SPINK13: variants seen among roughly 807,000 people sequenced by gnomAD.
The protein encoded by SPINK13 is serine protease inhibitor Kazal-type 13.
A neutral mutation model predicts 11.0 loss-of-function variants in SPINK13; 11 were observed. The ratio of observed to expected loss-of-function variants is 1.00; its 90% CI spans 0.63 to 1.65. The LOEUF (loss-of-function observed/expected upper bound fraction) is 1.65. Ranked by LOEUF, SPINK13 falls within the 40% of genes most tolerant of loss-of-function variation. SPINK13 has a pLI of 0.00. For missense variants in SPINK13, 113 were observed against 117.7 expected (o/e 0.96, Z 0.19); for synonymous variants, 31 against 35.6 (o/e 0.87, Z 0.46).
rs114620590 is a variant in SPINK13, at chr5:148,282,856, T to A, written c.236+625T>A. ...CTCCATTCAAAATTGTTTTCACAAA[T>A]CAGCCCTGTGTCTTGTCAGTTAACT... is the stretch of plus-strand genomic sequence containing the variant. On this transcript the variant is annotated intron_variant, in intron 4 of 4. Transcript: ENST00000398450. 3.2e-3 allele frequency among the ~76,000 whole-genome samples: 486 copies of A among 152,334 alleles called. 4 individuals carry two copies. Among genetic ancestry groups the A allele is most frequent in the African/African-American group, 0.011 (459 of 41,586 alleles).
intron 2 of SPINK13, chr5:148,271,006 T>C: frequency 6.6e-6 from 1 of 152,242 alleles, no homozygotes; most frequent in Non-Finnish European, 1.5e-5. Flanking sequence ...AATTGTAAGA[T>C]AATAAATTTG....
chr5:148,274,273 G>A (rs1756392179), intron 2 of SPINK13, 74 bp from the exon 3 acceptor site: 11 of 980,576 alleles, frequency 1.1e-5, no homozygotes, highest in Non-Finnish European at 1.7e-5. Flanking sequence ...TTCAATCAGT[G>A]ACTTCAGTAG....
At chr5:148,272,760 C>A (rs1756369470) in intron 2 of SPINK13, among the ~76,000 whole-genome samples, 1 of 152,130 alleles carries the variant, frequency 6.6e-6, no homozygotes, top group Non-Finnish European at 1.5e-5. Context: ...TATGTTTACA[C>A]CAAAATGGGA....
intron 3 of SPINK13, 103 bp downstream of exon 3, chr5:148,274,487 C>A: frequency 3.3e-6 from 3 of 913,622 alleles, no homozygotes; most frequent in Admixed American, 2.1e-5. Context: ...GTGGCTCATG[C>A]CTGTAATTCC....
In SPINK13 at chr5:148,274,476, A is replaced by T. The variant is rs115038653; in HGVS notation, c.108+92A>T. On this transcript the variant is annotated intron_variant, in intron 3 of 4. Coordinates refer to ENST00000398450, the MANE Select transcript of SPINK13 (RefSeq NM_001040129.3). The stretch of plus-strand genomic sequence containing the variant: ...TAAAACTTCATGGAAAGTCAGGCAC[A>T]GTGGCTCATGCCTGTAATTCCAGAA... The T allele has an allele frequency of 2.7e-3, 2,744 of 1,032,678 alleles. 23 individuals are homozygous for T. Among genetic ancestry groups the T allele is most frequent in the African/African-American group, 0.02 (1,213 of 61,992 alleles). 64.0% of individuals were successfully genotyped at this position (1,032,678 alleles called of 1,614,324 possible).
chr5:148,279,166 A>G (rs1388542606), intron 3 of SPINK13, among the ~76,000 whole-genome samples: 1 of 118,064 alleles, frequency 8.5e-6, no homozygotes, highest in Non-Finnish European at 1.6e-5. Flanking sequence ...TTTTGAGTCT[A>G]TGTGTGTCTT....
At chr5:148,281,712 C>A (rs1332425347) in intron 3 of SPINK13, among the ~76,000 whole-genome samples, 1 of 152,190 alleles carries the variant, frequency 6.6e-6, no homozygotes, top group Admixed American at 6.5e-5. Context: ...GAGCTGCAGA[C>A]CAGAGCTGTT....
chr5:148,274,621 G>T (rs1756397819), intron 3 of SPINK13, among the ~76,000 whole-genome samples: 1 of 152,144 alleles, frequency 6.6e-6, no homozygotes. Flanking sequence ...GTGGGGCAAG[G>T]CTGTAGCCAG....
At chr5:148,275,333 C>T (rs1756409498) in intron 3 of SPINK13, among the ~76,000 whole-genome samples, 1 of 152,196 alleles carries the variant, frequency 6.6e-6, no homozygotes, top group South Asian at 2.1e-4. Context: ...TTCATGGCTG[C>T]ATAGTATTCC....
At chr5:148,282,381 A>C (rs1756530703) in intron 4 of SPINK13, 150 bp downstream of exon 4, 1 of 937,574 alleles carries the variant, frequency 1.1e-6, no homozygotes, top group South Asian at 1.8e-5. Context: ...CAGACTACAG[A>C]GAGAGTGAAG....
chr5:148,283,636 C>T (rs1208930908), intron 4 of SPINK13, among the ~76,000 whole-genome samples: 1 of 152,186 alleles, frequency 6.6e-6, no homozygotes, highest in Non-Finnish European at 1.5e-5. Context: ...ACTGTTGGCT[C>T]TACTGTTCTC....
intron 3 of SPINK13, among the ~76,000 whole-genome samples, chr5:148,277,627 G>A (rs534465297): frequency 4.6e-5 from 7 of 152,272 alleles, no homozygotes; most frequent in South Asian, 2.1e-4. Flanking sequence ...GGATGAAGCC[G>A]ACTTGATCAT....
rs117875595 is a variant in SPINK13, at chr5:148,280,249, A to G, written c.109-1855A>G. Among the ~76,000 whole-genome samples the G allele has an allele frequency of 7.2e-3, 1,094 of 152,206 alleles. 66 individuals are homozygous for G. In the East Asian group the frequency reaches 0.14, roughly 20 times the overall value. On this transcript the variant is annotated intron_variant, in intron 3 of 4. Coordinates refer to ENST00000398450, the MANE Select transcript of SPINK13 (RefSeq NM_001040129.3). ...AGAACATGCTCCTTTGGCTCAGAGA[A>G]GCTTGTTATTACCCACCTTCTGAAG...
chr5:148,270,101 T>C lies in SPINK13; in HGVS notation c.29T>C (p.Phe10Ser), dbSNP rs1331511741. The change falls in exon 2 of 5, where the codon TTT (phenylalanine) becomes TCT (serine). Residue 10 changes from phenylalanine (F) to serine (S), a missense_variant. Physicochemically the swap from Phe to Ser is radical, Grantham distance 155. Transcript: ENST00000398450. ...GCTGCCTTTCCCCACAAGATTATAT[T>C]TTTCCTGGTATGCTCTACTTTGACA... MAAFPHKIIFFLVCSTLTHV... is the reference protein window; with the variant it reads MAAFPHKIISFLVCSTLTHV... 4 of 1,613,984 alleles carry C rather than the reference T, an allele frequency of 2.5e-6. No homozygotes were observed. In the African/African-American group the frequency reaches 5.3e-5, roughly 22 times the overall value.
intron 4 of SPINK13, among the ~76,000 whole-genome samples, chr5:148,284,522 A>T (rs866663180): frequency 1.8e-4 from 27 of 152,250 alleles, no homozygotes; most frequent in African/African-American, 5.8e-4. Context: ...AACACAGAAA[A>T]TTAATTCCAA....
intron 3 of SPINK13, among the ~76,000 whole-genome samples, chr5:148,280,636 C>A (rs973902604): frequency 6.6e-6 from 1 of 152,178 alleles, no homozygotes; most frequent in Non-Finnish European, 1.5e-5. Flanking sequence ...AAGATTGCTG[C>A]CTGCTCCTTC....
intron 3 of SPINK13, among the ~76,000 whole-genome samples, chr5:148,279,840 G>A (rs186333369): frequency 2.0e-4 from 30 of 152,242 alleles, no homozygotes; most frequent in African/African-American, 7.0e-4. Context: ...TTGCTAGGTT[G>A]GGGAAGTTCT....
At chr5:148,276,276 T>G (rs922838865) in intron 3 of SPINK13, among the ~76,000 whole-genome samples, 1 of 152,240 alleles carries the variant, frequency 6.6e-6, no homozygotes, top group Non-Finnish European at 1.5e-5. Context: ...TTTATTTTGC[T>G]GTGCAGAAGC....
rs542283357 is a variant in SPINK13 at position 148,284,582 on chromosome 5, C to T, written c.237-1418C>T. 5.9e-5 allele frequency among the ~76,000 whole-genome samples: 9 copies of T among 152,098 alleles called. No individual in the cohort carries two copies. The South Asian group carries it at 1.0e-3, about 18-fold the overall frequency. On this transcript the variant is annotated intron_variant, in intron 4 of 4. Coordinates refer to ENST00000398450, the MANE Select transcript of SPINK13 (RefSeq NM_001040129.3). ...CATATTTGCTTAATTCTCCATATGA[C>T]CTGAATGTATAAACTTAATTTTCAT...
Sources: allele counts gnomAD v4.1 joint callset (sites outside exome capture counted in the v4.1 genomes callset), GRCh38; gene constraint gnomAD v4.1.1; transcripts MANE v1.5; gene names NCBI Gene and HGNC (gene_info 2026-07-23, HGNC 2026-07-21).